RALGPS2: variants seen among roughly 807,000 people sequenced by gnomAD.
RALGPS2 encodes the protein ras-specific guanine nucleotide-releasing factor RalGPS2.
Under a neutral mutation model 86.8 loss-of-function variants are expected in RALGPS2, and 43 were observed. The ratio of observed to expected loss-of-function variants is 0.50; its 90% CI spans 0.39 to 0.64. The LOEUF is 0.64. Among genes scored for constraint, RALGPS2 ranks in the 30% least tolerant of loss-of-function variants. RALGPS2 has a pLI of 0.00. For missense variants in RALGPS2, 536 were observed against 694.6 expected (o/e 0.77, Z 2.57); for synonymous variants, 243 against 231.3 (o/e 1.05, Z -0.46).
intron 10 of RALGPS2, among the ~76,000 whole-genome samples, chr1:178,882,777 C>T (rs975360051): frequency 3.9e-5 from 6 of 152,112 alleles, no homozygotes; most frequent in African/African-American, 1.4e-4. Context: ...CTAAATGAAA[C>T]TTAAGTACCA....
chr1:178,778,262 A>G (rs1653200528), intron 2 of RALGPS2, among the ~76,000 whole-genome samples: 1 of 28,568 alleles, frequency 3.5e-5, no homozygotes, highest in East Asian at 1.0e-3. Flanking sequence ...TCAAAAGAAG[A>G]CATTTATGCA....
At chr1:178,784,179 C>G (rs1653534198) in intron 2 of RALGPS2, among the ~76,000 whole-genome samples, 2 of 152,074 alleles carry the variant, frequency 1.3e-5, no homozygotes, top group South Asian at 4.1e-4. Context: ...GATGAGGAAA[C>G]TGACACACAA....
intron 18 of RALGPS2, among the ~76,000 whole-genome samples, chr1:178,903,688 T>C (rs1660272803): frequency 6.6e-6 from 1 of 152,230 alleles, no homozygotes; most frequent in Admixed American, 6.5e-5. Context: ...AATTCATTCC[T>C]TTTTATGGCT....
chr1:178,739,802 A>G (rs1050251092), intron 1 of RALGPS2, among the ~76,000 whole-genome samples: 1 of 152,256 alleles, frequency 6.6e-6, no homozygotes, highest in African/African-American at 2.4e-5. Flanking sequence ...TTAAGGGAAC[A>G]GGCAGTACTA....
rs773630100 is a variant in RALGPS2, at chr1:178,878,999, T to G, written c.836+7T>G. 3 of 1,611,874 alleles carry G rather than the reference T, an allele frequency of 1.9e-6. No individual in the cohort carries two copies. The African/African-American group carries it at 4.0e-5, about 22-fold the overall frequency. ...TGGAAGACGATAATTACAAGTAGGT[T>G]GGATCTTCAAAAGTGGTTTGTATAA... On this transcript the variant is annotated splice_region_variant and intron_variant, in intron 10 of 19. Coordinates refer to ENST00000367635, the MANE Select transcript of RALGPS2 (RefSeq NM_152663.5).
intron 19 of RALGPS2, among the ~76,000 whole-genome samples, chr1:178,912,050 T>C (rs936954626): frequency 4.6e-5 from 7 of 152,252 alleles, no homozygotes; most frequent in African/African-American, 1.7e-4. Context: ...TTCCATTTGC[T>C]TGATAAATCT....
chr1:178,902,347 A>C, intron 18 of RALGPS2, 136 bp downstream of exon 18: 2 of 581,766 alleles, frequency 3.4e-6, no homozygotes, highest in Non-Finnish European at 6.0e-6. Context: ...GCCAAAACCT[A>C]GTTTCACTGG....
intron 8 of RALGPS2, among the ~76,000 whole-genome samples, chr1:178,842,703 G>C (rs1656650691): frequency 6.8e-6 from 1 of 147,810 alleles, no homozygotes; most frequent in South Asian, 2.2e-4. Flanking sequence ...ACTACCATCA[G>C]AGTGAACAGG....
chr1:178,832,084 A>G (rs1656048345), intron 7 of RALGPS2, among the ~76,000 whole-genome samples: 1 of 152,192 alleles, frequency 6.6e-6, no homozygotes, highest in Admixed American at 6.5e-5. Context: ...TTGCATATCC[A>G]GATACTTCCT....
At chr1:178,843,889 C>G (rs1656735737) in intron 8 of RALGPS2, among the ~76,000 whole-genome samples, 2 of 152,130 alleles carry the variant, frequency 1.3e-5, no homozygotes, top group African/African-American at 4.8e-5. Flanking sequence ...GTTTTTATGA[C>G]TCAGTTTAGT....
chr1:178,783,125 C>T (rs1653474544), intron 2 of RALGPS2, among the ~76,000 whole-genome samples: 1 of 152,010 alleles, frequency 6.6e-6, no homozygotes, highest in African/African-American at 2.4e-5. Flanking sequence ...CATGCGAGAA[C>T]AAATGGATAA....
rs866358158 is a variant in RALGPS2, at chr1:178,897,744, C to A, written c.1512C>A (p.Thr504=). The change falls in exon 17 of 20, where the codon ACC becomes ACA. Residue 504 remains threonine (T), a synonymous_variant. Transcript: ENST00000367635. ...ATGCTGCCAAATCTCTAAAGGCTAC[C>A]GAAAGAAAACATGTAAGTATTTGTT... The part of the protein sequence containing the change: ...FYYAAKSLKA[T]ERKHFKSTSN... 1 of 1,609,960 alleles carries A rather than the reference C, an allele frequency of 6.2e-7. No individual in the cohort carries two copies. The highest frequency in any genetic ancestry group is 1.7e-5 in the Admixed American group (1 of 59,782).
chr1:178,799,351 A>G (rs1223430950), intron 4 of RALGPS2, among the ~76,000 whole-genome samples: 2 of 151,696 alleles, frequency 1.3e-5, no homozygotes, highest in Non-Finnish European at 2.9e-5. Flanking sequence ...TTTTTAATAC[A>G]GATGAAAGTG....
chr1:178,883,723 C>A (rs921691068), intron 11 of RALGPS2, among the ~76,000 whole-genome samples, 190 bp downstream of exon 11: 1 of 151,708 alleles, frequency 6.6e-6, no homozygotes, highest in Non-Finnish European at 1.5e-5. Flanking sequence ...GGGTGGCTCA[C>A]GCCTGTAATC....
intron 8 of RALGPS2, chr1:178,853,901 TC>T: frequency 1.5e-6 from 1 of 684,178 alleles, no homozygotes; most frequent in Non-Finnish European, 2.2e-6. Context: ...CCATTGTTTA[TC>T]ATATATACAA....
intron 8 of RALGPS2, among the ~76,000 whole-genome samples, chr1:178,866,011 A>G (rs1042525270): frequency 6.6e-6 from 1 of 152,162 alleles, no homozygotes; most frequent in African/African-American, 2.4e-5. Flanking sequence ...GTTTCAGAGA[A>G]TAACTCTTCC....
intron 1 of RALGPS2, among the ~76,000 whole-genome samples, chr1:178,765,421 A>C (rs535994083): frequency 6.6e-6 from 1 of 152,262 alleles, no homozygotes; most frequent in East Asian, 1.9e-4. Flanking sequence ...AGTGATTTTC[A>C]AAAGGGGAGG....
Position 178,800,734 on chromosome 1 carries a change from G to A in RALGPS2, c.214-7311G>A, listed in dbSNP as rs530074860. ...AGATGTGGGTTTTCAACTGTTCGGAGGGTCAGTGCCCCTAACCCCTGAGTT... is the reference window on the plus strand; with the variant it reads ...AGATGTGGGTTTTCAACTGTTCGGAAGGTCAGTGCCCCTAACCCCTGAGTT... On this transcript the variant is annotated intron_variant, in intron 4 of 19. Coordinates refer to ENST00000367635, the MANE Select transcript of RALGPS2 (RefSeq NM_152663.5). 5.3e-5 allele frequency among the ~76,000 whole-genome samples: 8 copies of A among 152,174 alleles called. No individual in the cohort carries two copies. In the South Asian group the frequency reaches 1.7e-3, roughly 32 times the overall value.
intron 8 of RALGPS2, among the ~76,000 whole-genome samples, chr1:178,859,816 G>GCC (rs1468869767): frequency 3.6e-4 from 4 of 11,080 alleles, no homozygotes; most frequent in African/African-American, 9.1e-4. Context: ...TCCTGCCTCT[G>GCC]CCCGCCCCCC....
Sources: gnomAD v4.1 joint callset for allele counts (sites outside exome capture counted in the v4.1 genomes callset) on GRCh38, gnomAD v4.1.1 for gene constraint, MANE v1.5 for transcripts, NCBI Gene and HGNC (gene_info 2026-07-23, HGNC 2026-07-21) for gene names.